WDR19: variants seen among roughly 807,000 people sequenced by gnomAD.
WDR19 encodes WD repeat domain 19, also known as WD repeat-containing protein 19.
In WDR19, 121 loss-of-function variants were observed where a neutral mutation model predicts 180.0. The observed-to-expected ratio is 0.67, with a 90% confidence interval of 0.58 to 0.78. The LOEUF is 0.78. WDR19 is among the 30% of genes least tolerant of loss of function. The pLI is 0.00. For synonymous variants in WDR19, 497 were observed against 540.7 expected (o/e 0.92, Z 1.12); for missense variants, 1,450 against 1,640.7 (o/e 0.88, Z 2.01).
At chr4:39,283,752 A>G (rs1736830860) in intron 36 of WDR19, among the ~76,000 whole-genome samples, 3 of 152,182 alleles carry the variant, frequency 2.0e-5, no homozygotes, top group Admixed American at 2.0e-4. Flanking sequence ...TTTCCATGTT[A>G]TTCTTGCCTG....
chr4:39,279,278 T>C (rs1736218344), intron 36 of WDR19, among the ~76,000 whole-genome samples: 1 of 152,208 alleles, frequency 6.6e-6, no homozygotes, highest in South Asian at 2.1e-4. Context: ...CCTGGTTAGA[T>C]AGGAGTCGAG....
intron 9 of WDR19, among the ~76,000 whole-genome samples, chr4:39,210,593 G>C (rs1357375516): frequency 6.6e-6 from 1 of 151,858 alleles, no homozygotes; most frequent in African/African-American, 2.4e-5. Flanking sequence ...GAGGATTGCT[G>C]AGCCAAGGAG....
At chr4:39,274,270 T>C (rs928574969) in intron 32 of WDR19, 8 of 153,566 alleles carry the variant, frequency 5.2e-5, no homozygotes, top group African/African-American at 1.9e-4. Flanking sequence ...AAGTCTACCA[T>C]GCGGGCAAGG....
intron 5 of WDR19, among the ~76,000 whole-genome samples, chr4:39,198,443 C>T (rs1727009167): frequency 6.6e-6 from 1 of 152,078 alleles, no homozygotes; most frequent in South Asian, 2.1e-4. Context: ...CGCCTGTAGT[C>T]CCTGCTACTG....
intron 3 of WDR19, 67 bp downstream of exon 3, chr4:39,186,671 G>T: frequency 9.2e-7 from 1 of 1,089,292 alleles, no homozygotes; most frequent in Non-Finnish European, 1.3e-6. Flanking sequence ...AAAAAATACT[G>T]CCTTAAAATT....
intron 20 of WDR19, among the ~76,000 whole-genome samples, chr4:39,236,617 A>C (rs1318045261): frequency 6.6e-6 from 1 of 152,210 alleles, no homozygotes; most frequent in Non-Finnish European, 1.5e-5. Flanking sequence ...ATATTTTTTT[A>C]ACTAAATGAT....
chr4:39,282,082 A>G (rs1273412088), intron 36 of WDR19, among the ~76,000 whole-genome samples: 1 of 152,226 alleles, frequency 6.6e-6, no homozygotes, highest in Admixed American at 6.5e-5. Flanking sequence ...TTTGATTTGG[A>G]GTCCATTGAT....
chr4:39,246,163 A>G (rs1414794482), intron 24 of WDR19, among the ~76,000 whole-genome samples: 1 of 152,228 alleles, frequency 6.6e-6, no homozygotes. Context: ...TTTATTTTAA[A>G]CTAATAACCA....
intron 9 of WDR19, among the ~76,000 whole-genome samples, chr4:39,214,212 G>C (rs2109321700): frequency 6.6e-6 from 1 of 152,276 alleles, no homozygotes; most frequent in South Asian, 2.1e-4. Flanking sequence ...GGGCAGGGGA[G>C]AAAGGGAACA....
chr4:39,212,101 T>C (rs1383383577), intron 9 of WDR19, among the ~76,000 whole-genome samples: 2 of 152,018 alleles, frequency 1.3e-5, no homozygotes, highest in Non-Finnish European at 2.9e-5. Context: ...GCTACAATCA[T>C]CAAGACTATG....
intron 21 of WDR19, among the ~76,000 whole-genome samples, chr4:39,243,802 TTCTTTAGCTG>T (rs1289088752): frequency 3.9e-5 from 6 of 152,202 alleles, no homozygotes; most frequent in Non-Finnish European, 8.8e-5. Context: ...TTTGATAAGT[TTCTTTAGCTG>T]TCTTTGGTAC....
At chr4:39,207,534 C>T (rs1485624771) in intron 9 of WDR19, among the ~76,000 whole-genome samples, 1 of 152,166 alleles carries the variant, frequency 6.6e-6, no homozygotes, top group Non-Finnish European at 1.5e-5. Flanking sequence ...CAGAGAGCAA[C>T]ATTTTGAATG....
At chr4:39,202,722 C>T (rs1429468228) in intron 6 of WDR19, among the ~76,000 whole-genome samples, 3 of 151,588 alleles carry the variant, frequency 2.0e-5, no homozygotes, top group Non-Finnish European at 4.4e-5. Flanking sequence ...TTAAAAAATT[C>T]TTTTCTCATA....
At position 39,215,200 on chromosome 4, in the gene WDR19, A is replaced by G. The variant is rs190482903; in HGVS notation, c.961+529A>G. Among the ~76,000 whole-genome samples the G allele has an allele frequency of 4.5e-4, 69 of 152,280 alleles. No individual in the cohort carries two copies. In the East Asian group the frequency reaches 0.011, roughly 25 times the overall value. ...GATCCAGAGATTTATAGTGAATTTTATCCTAATTCTAATGTAAAGTATAAA... is the reference window on the plus strand; with the variant it reads ...GATCCAGAGATTTATAGTGAATTTTGTCCTAATTCTAATGTAAAGTATAAA... On this transcript the variant is annotated intron_variant, in intron 10 of 36. Coordinates refer to ENST00000399820, the MANE Select transcript of WDR19 (RefSeq NM_025132.4).
At chr4:39,184,846 T>G (rs902012546) in intron 1 of WDR19, among the ~76,000 whole-genome samples, 6 of 152,220 alleles carry the variant, frequency 3.9e-5, no homozygotes, top group African/African-American at 1.4e-4. Flanking sequence ...TATTCCTAAA[T>G]GTTCTAGATC....
At chr4:39,253,711 G>A (rs1226563918) in intron 25 of WDR19, among the ~76,000 whole-genome samples, 195 bp from the exon 26 acceptor site, 7 of 151,988 alleles carry the variant, frequency 4.6e-5, no homozygotes, top group South Asian at 2.1e-4. Flanking sequence ...CCCAGGAGGC[G>A]GAGGCTGCAG....
intron 4 of WDR19, 114 bp from the exon 5 acceptor site, chr4:39,194,430 T>A: frequency 1.6e-6 from 1 of 610,560 alleles, no homozygotes; most frequent in Non-Finnish European, 2.8e-6. Flanking sequence ...TAAGTTGTAT[T>A]TTGTACTTTG....
intron 24 of WDR19, among the ~76,000 whole-genome samples, chr4:39,249,518 GAC>G (rs1157686115): frequency 6.6e-6 from 1 of 152,088 alleles, no homozygotes; most frequent in Non-Finnish European, 1.5e-5. Context: ...AGGAGATAGA[GAC>G]ACAAAAAACC....
At chr4:39,260,131 A>C (rs890436424) in intron 28 of WDR19, among the ~76,000 whole-genome samples, 2 of 152,050 alleles carry the variant, frequency 1.3e-5, no homozygotes, top group Non-Finnish European at 2.9e-5. Context: ...TGTTAAGAAA[A>C]TGGGTCATTT....
Sources: allele counts gnomAD v4.1 joint callset (sites outside exome capture counted in the v4.1 genomes callset), GRCh38; gene constraint gnomAD v4.1.1; transcripts MANE v1.5; gene names NCBI Gene and HGNC (gene_info 2026-07-23, HGNC 2026-07-21).